The following IGF2BP1 variants were observed in gnomAD, a reference collection of about 807,000 sequenced individuals.
IGF2BP1 encodes the protein insulin like growth factor 2 mRNA binding protein 1.
A neutral mutation model predicts 74.9 loss-of-function variants in IGF2BP1; 11 were observed. The ratio of observed to expected loss-of-function variants is 0.15; its 90% CI spans 0.09 to 0.24. The LOEUF (loss-of-function observed/expected upper bound fraction) is 0.24, where lower values mean the gene tolerates loss of function less well. IGF2BP1 is among the 10% of genes least tolerant of loss of function. The probability of loss-of-function intolerance (pLI) is 1.00; values close to 1 mark genes in which losing one functional copy is unlikely to be tolerated. For missense variants in IGF2BP1, 440 were observed against 757.4 expected, an observed-to-expected ratio of 0.58 and a Z score of 4.92; for synonymous variants, 287 against 281.8, an observed-to-expected ratio of 1.02 and a Z score of -0.18.
chr17:49,038,152 C>T lies in IGF2BP1; in HGVS notation c.402-16C>T. 1 of 1,481,048 alleles carries T rather than the reference C, an allele frequency of 6.8e-7. No homozygotes were observed. The highest frequency in any genetic ancestry group is 9.0e-7 in the Non-Finnish European group (1 of 1,113,228). The allele number at this position is 1,481,048 out of a possible 1,614,324, so 91.7% of individuals were successfully genotyped here. A position where few individuals can be genotyped will look rare whatever the true frequency, so the allele number is the denominator to read the frequency against. ...CATGGATTGGAATGACCTGTAGACT[C>T]TCACTCTGTCCCCAGAGCCATCATG... On this transcript the variant is annotated splice_polypyrimidine_tract_variant and intron_variant, in intron 5 of 14. Transcript: ENST00000290341.
chr17:49,014,475 C>A (rs2041666533), intron 2 of IGF2BP1, among the ~76,000 whole-genome samples: 2 of 151,624 alleles, frequency 1.3e-5, no homozygotes, highest in African/African-American at 4.8e-5. Context: ...CTCAGTCCTC[C>A]CAGACAGGAT....
intron 2 of IGF2BP1, among the ~76,000 whole-genome samples, chr17:49,010,311 ATCTT>A (rs2041601220): frequency 7.7e-6 from 1 of 129,996 alleles, no homozygotes; most frequent in Non-Finnish European, 1.6e-5. Flanking sequence ...CATGGTGGTC[ATCTT>A]TTTTTTTTTT....
At chr17:49,039,164 C>T (rs2042021502) in intron 6 of IGF2BP1, among the ~76,000 whole-genome samples, 2 of 152,160 alleles carry the variant, frequency 1.3e-5, no homozygotes, top group South Asian at 2.1e-4. Flanking sequence ...GCGTGAGCTA[C>T]CACACCCGGC....
In IGF2BP1 at chr17:48,997,556, C is replaced by T. The variant is rs551698443; in HGVS notation, c.-190C>T. On this transcript the variant is annotated 5_prime_UTR_variant, in exon 1 of 15. Coordinates refer to ENST00000290341, the MANE Select transcript of IGF2BP1 (RefSeq NM_006546.4). This position sits in a 1 kb window ranked among gnomAD's most constrained non-coding sequence, Gnocchi z 4.8. ...ACTTCTCCTGGGCTCTCCCCGAACT[C>T]TCCCGCGACCTCTGCGCGCCCTCAG... is the stretch of plus-strand genomic sequence containing the variant. 2 of 606,026 alleles carry T rather than the reference C, an allele frequency of 3.3e-6. No individual in the cohort carries two copies. The highest frequency in any genetic ancestry group is 2.0e-5 in the South Asian group (1 of 49,894). 37.5% of individuals were successfully genotyped at this position (606,026 alleles called of 1,614,324 possible).
intron 2 of IGF2BP1, among the ~76,000 whole-genome samples, chr17:49,015,134 G>A (rs2041680662): frequency 6.6e-6 from 1 of 152,072 alleles, no homozygotes; most frequent in African/African-American, 2.4e-5. Flanking sequence ...CACAACACCC[G>A]GCTAATTTTT....
At chr17:49,031,745 G>A (rs922471870) in intron 4 of IGF2BP1, among the ~76,000 whole-genome samples, 165 bp from the exon 5 acceptor site, 3 of 151,910 alleles carry the variant, frequency 2.0e-5, no homozygotes, top group Non-Finnish European at 2.9e-5. Flanking sequence ...CAAGTGATCC[G>A]CCCGCCTCGC....
chr17:49,045,682 C>A (rs1299875783), intron 12 of IGF2BP1, among the ~76,000 whole-genome samples: 1 of 152,214 alleles, frequency 6.6e-6, no homozygotes, highest in Non-Finnish European at 1.5e-5. Flanking sequence ...AATCTCCACC[C>A]AGGGTCTCCA....
intron 2 of IGF2BP1, among the ~76,000 whole-genome samples, chr17:49,011,168 CAAA>C (rs1162619482): frequency 1.2e-4 from 9 of 75,168 alleles, no homozygotes; most frequent in African/African-American, 3.7e-4. Flanking sequence ...AAAAAAAAAA[CAAA>C]CCCTAAAAAA....
At chr17:49,004,304 ACCGG>A (rs1358031960) in intron 2 of IGF2BP1, among the ~76,000 whole-genome samples, 40 of 98,734 alleles carry the variant, frequency 4.1e-4, no homozygotes, top group African/African-American at 2.4e-3. Flanking sequence ...GTTCCCCCTC[ACCGG>A]CTGCGGGCTG....
In IGF2BP1 at chr17:49,038,266, G is replaced by A. The variant is rs557111796; in HGVS notation, c.500G>A (p.Arg167His). The A allele has an allele frequency of 1.1e-5, 18 of 1,599,760 alleles. No individual in the cohort carries two copies. The highest frequency in any genetic ancestry group is 3.4e-5 in the South Asian group (3 of 88,444). ...EQIAQGPENG[R>H]RGGFGSRGQP... is the part of the protein sequence containing the mutation. Reference sequence around the variant, plus strand: ...ATAGCACAGGGACCTGAGAATGGGCGCCGAGGGGGCTTTGGCTCTCGGGGT... The same window carrying A: ...ATAGCACAGGGACCTGAGAATGGGCACCGAGGGGGCTTTGGCTCTCGGGGT... Residue 167 changes from arginine to histidine, a missense_variant, in exon 6 of 15, where the codon CGC becomes CAC. Coordinates refer to ENST00000290341, the MANE Select transcript of IGF2BP1 (RefSeq NM_006546.4).
chr17:49,016,986 A>G (rs1598133879), intron 2 of IGF2BP1, among the ~76,000 whole-genome samples: 1 of 147,074 alleles, frequency 6.8e-6, no homozygotes, highest in Non-Finnish European at 1.5e-5. Flanking sequence ...GTTTTCTTGG[A>G]CAATTTTTTT....
chr17:49,005,595 A>G (rs1164322937), intron 2 of IGF2BP1, among the ~76,000 whole-genome samples: 2 of 152,124 alleles, frequency 1.3e-5, no homozygotes, highest in Non-Finnish European at 2.9e-5. Context: ...GAAAAATCCC[A>G]TAATAGAGGA....
intron 5 of IGF2BP1, among the ~76,000 whole-genome samples, chr17:49,032,416 C>G (rs2041934338): frequency 6.6e-6 from 1 of 151,968 alleles, no homozygotes; most frequent in Admixed American, 6.6e-5. Context: ...CATTTTATTG[C>G]AGTGATGGTC....
intron 2 of IGF2BP1, chr17:49,014,850 A>T: frequency 1.0e-6 from 1 of 985,336 alleles, no homozygotes; most frequent in East Asian, 1.1e-4. Flanking sequence ...GAAGCTGCCG[A>T]AGACAGATTG....
chr17:48,997,951 A>G lies in IGF2BP1; in HGVS notation c.175+31A>G. 1 of 1,606,332 alleles carries G rather than the reference A, an allele frequency of 6.2e-7. No homozygotes were observed. The highest frequency in any genetic ancestry group is 2.2e-5 in the East Asian group (1 of 44,714). On this transcript the variant is annotated intron_variant, in intron 1 of 14. Coordinates refer to ENST00000290341, the MANE Select transcript of IGF2BP1 (RefSeq NM_006546.4). This position sits in a 1 kb window ranked among gnomAD's most constrained non-coding sequence, Gnocchi z 4.8. Reference sequence around the variant, plus strand: ...AACACAGCCACCTCCCGGAAAAGCCACAACGAGAGCCCCGAACAACGGAGA... The same window carrying G: ...AACACAGCCACCTCCCGGAAAAGCCGCAACGAGAGCCCCGAACAACGGAGA...
intron 2 of IGF2BP1, among the ~76,000 whole-genome samples, chr17:49,004,069 C>T (rs1327033690): frequency 6.6e-6 from 1 of 152,140 alleles, no homozygotes; most frequent in Non-Finnish European, 1.5e-5. Flanking sequence ...CCCGCCCGCC[C>T]CCGCGCCAGT....
At position 49,055,506 on chromosome 17, in the gene IGF2BP1, C is replaced by T; in HGVS notation, c.*6062C>T. ...TTGGGGATGCTTAAATCTTGACTGGCACTTCCCGGCTGTGGGGGCTGGGGA... is the reference window on the plus strand; with the variant it reads ...TTGGGGATGCTTAAATCTTGACTGGTACTTCCCGGCTGTGGGGGCTGGGGA... On this transcript the variant is annotated 3_prime_UTR_variant, in exon 15 of 15. Transcript: ENST00000290341. 1 of 393,988 alleles carries T rather than the reference C, an allele frequency of 2.5e-6. No homozygotes were observed. Among genetic ancestry groups the T allele is most frequent in the Non-Finnish European group, 4.5e-6 (1 of 223,542 alleles). 24.4% of individuals were successfully genotyped at this position (393,988 alleles called of 1,614,324 possible).
intron 4 of IGF2BP1, among the ~76,000 whole-genome samples, 198 bp downstream of exon 4, chr17:49,026,715 TCCTGCCTG>T (rs752632752): frequency 8.8e-6 from 1 of 113,860 alleles, no homozygotes; most frequent in Non-Finnish European, 1.9e-5. Flanking sequence ...CTTCCTGCCT[TCCTGCCTG>T]CCTTCCTGCC....
intron 13 of IGF2BP1, 108 bp downstream of exon 13, chr17:49,046,129 T>C: frequency 1.4e-6 from 2 of 1,460,492 alleles, no homozygotes; most frequent in African/African-American, 2.8e-5. Flanking sequence ...TTTGCTCATT[T>C]ACTTGATTCT....
Sources: allele counts gnomAD v4.1 joint callset (sites outside exome capture counted in the v4.1 genomes callset), GRCh38; gene constraint gnomAD v4.1.1; non-coding constraint Gnocchi (gnomAD v3.1); transcripts MANE v1.5; gene names NCBI Gene and HGNC (gene_info 2026-07-23, HGNC 2026-07-21).